The following COX10 variants were observed in gnomAD, a reference collection of about 807,000 sequenced individuals.
COX10 encodes protoheme IX farnesyltransferase, mitochondrial.
In COX10, 27 loss-of-function variants were observed where a neutral mutation model predicts 37.3. The observed-to-expected ratio is 0.72, with a 90% CI of 0.53 to 1.00. The LOEUF (loss-of-function observed/expected upper bound fraction) is 1.00. COX10 is among the 50% of genes least tolerant of loss of function. COX10 has a pLI of 0.00. For synonymous variants in COX10, 222 were observed against 229.1 expected, an observed-to-expected ratio of 0.97 and a Z score of 0.28; for missense variants, 475 against 563.2, an observed-to-expected ratio of 0.84 and a Z score of 1.59.
intron 3 of COX10, among the ~76,000 whole-genome samples, chr17:14,088,540 A>G (rs954415934): frequency 7.2e-5 from 11 of 152,172 alleles, no homozygotes; most frequent in African/African-American, 2.7e-4. Flanking sequence ...AATTGAACTG[A>G]TTGTAAGTAT....
At chr17:14,145,522 A>G (rs949625859) in intron 4 of COX10, among the ~76,000 whole-genome samples, 1 of 152,160 alleles carries the variant, frequency 6.6e-6, no homozygotes. Context: ...AACCGAAGGT[A>G]GCTCAGAATG....
chr17:14,109,992 C>A (rs995835745), intron 4 of COX10, among the ~76,000 whole-genome samples: 1 of 151,908 alleles, frequency 6.6e-6, no homozygotes, highest in African/African-American at 2.4e-5. Context: ...AGTCTAGATT[C>A]CTGGGATTTC....
intron 5 of COX10, among the ~76,000 whole-genome samples, chr17:14,170,865 TATA>T (rs1376511899): frequency 6.6e-6 from 1 of 152,146 alleles, no homozygotes; most frequent in Non-Finnish European, 1.5e-5. Flanking sequence ...TTATTATGGA[TATA>T]ATAATAAGAT....
At chr17:14,096,411 G>A (rs11654446) in intron 3 of COX10, among the ~76,000 whole-genome samples, 14,981 of 107,870 alleles carry the variant, frequency 0.14, 1,045 homozygotes, top group Middle Eastern at 0.29. Context: ...GCCTTGCTCT[G>A]TTGCCCAGGC....
chr17:14,162,216 A>G (rs1282510285), intron 5 of COX10, among the ~76,000 whole-genome samples: 1 of 152,230 alleles, frequency 6.6e-6, no homozygotes, highest in Non-Finnish European at 1.5e-5. Context: ...TACTTATAAA[A>G]TTTGTAGACC....
Position 14,076,806 on chromosome 17 carries a change from C to T in COX10, c.249C>T (p.Phe83=). ...RPKPEPVASP[F]LEKTSSGQAK... is the part of the protein sequence containing the mutation. Reference sequence around the variant, plus strand: ...AGCCAGAACCAGTAGCATCTCCTTTCCTTGAAAAAACATCTTCAGGTCAAG... The same window carrying T: ...AGCCAGAACCAGTAGCATCTCCTTTTCTTGAAAAAACATCTTCAGGTCAAG... The change falls in exon 3 of 7, where the codon TTC becomes TTT. Residue 83 remains phenylalanine (F), a synonymous_variant. Coordinates refer to ENST00000261643, the MANE Select transcript of COX10 (RefSeq NM_001303.4). 6.2e-7 allele frequency: 1 copy of T among 1,614,112 alleles called. No individual in the cohort carries two copies. Among genetic ancestry groups the T allele is most frequent in the Non-Finnish European group, 8.5e-7 (1 of 1,179,994 alleles).
chr17:14,135,480 G>A (rs529552415), intron 4 of COX10, among the ~76,000 whole-genome samples: 3 of 151,810 alleles, frequency 2.0e-5, no homozygotes, highest in Admixed American at 1.3e-4. Flanking sequence ...CTCCACTCCC[G>A]GATATTCTAC....
At chr17:14,129,530 C>A (rs1916417971) in intron 4 of COX10, among the ~76,000 whole-genome samples, 1 of 152,148 alleles carries the variant, frequency 6.6e-6, no homozygotes, top group African/African-American at 2.4e-5. Flanking sequence ...GGATCTGATT[C>A]TTCTGTAGCA....
At chr17:14,180,984 G>A (rs1363365888) in intron 5 of COX10, among the ~76,000 whole-genome samples, 1 of 152,064 alleles carries the variant, frequency 6.6e-6, no homozygotes, top group African/African-American at 2.4e-5. Flanking sequence ...CAGCATAAGG[G>A]GATGGGCAGC....
At chr17:14,170,838 C>T (rs1905444883) in intron 5 of COX10, among the ~76,000 whole-genome samples, 1 of 152,032 alleles carries the variant, frequency 6.6e-6, no homozygotes, top group Admixed American at 6.6e-5. Context: ...AAATTCTAAC[C>T]TGTTCATCTC....
chr17:14,161,566 G>A (rs1905170713), intron 5 of COX10, among the ~76,000 whole-genome samples: 1 of 152,168 alleles, frequency 6.6e-6, no homozygotes. Flanking sequence ...AGGATAGTGT[G>A]TGAATCTGAG....
intron 4 of COX10, among the ~76,000 whole-genome samples, chr17:14,115,461 A>G (rs1420958344): frequency 6.6e-6 from 1 of 152,172 alleles, no homozygotes; most frequent in Non-Finnish European, 1.5e-5. Flanking sequence ...TTTGTGGAAA[A>G]TAATATGGAG....
intron 5 of COX10, among the ~76,000 whole-genome samples, chr17:14,180,797 C>T (rs1001374014): frequency 2.6e-5 from 4 of 152,100 alleles, no homozygotes; most frequent in South Asian, 2.1e-4. Flanking sequence ...TCCCATAAGA[C>T]GATGTGAAAA....
intron 3 of COX10, among the ~76,000 whole-genome samples, chr17:14,093,966 G>C (rs914974099): frequency 1.3e-5 from 2 of 152,164 alleles, no homozygotes; most frequent in Admixed American, 6.5e-5. Flanking sequence ...GTCAGAGGTG[G>C]AGGAATCACT....
Position 14,207,407 on chromosome 17 carries a change from C to T in COX10, c.*194C>T, listed in dbSNP as rs1301760730. 2.8e-6 allele frequency: 2 copies of T among 705,782 alleles called. No homozygotes were observed. The allele number at this position is 705,782 out of a possible 1,614,324, so 43.7% of individuals were successfully genotyped here. ...GCTCCCCAAATAAGAAATGCATCAG[C>T]TCAGTCAGTGAATACAAAAAAGGAA... On this transcript the variant is annotated 3_prime_UTR_variant, in exon 7 of 7. Coordinates refer to ENST00000261643, the MANE Select transcript of COX10 (RefSeq NM_001303.4).
intron 3 of COX10, among the ~76,000 whole-genome samples, chr17:14,077,696 A>T (rs1442277047): frequency 6.6e-6 from 1 of 152,236 alleles, no homozygotes; most frequent in Non-Finnish European, 1.5e-5. Context: ...GACTTAGCTT[A>T]TTCTGGGCTA....
At chr17:14,113,532 T>G (rs1293200942) in intron 4 of COX10, among the ~76,000 whole-genome samples, 2 of 152,190 alleles carry the variant, frequency 1.3e-5, no homozygotes, top group African/African-American at 4.8e-5. Context: ...ATTTTCATGT[T>G]GAGAAAGTGA....
chr17:14,135,418 T>C (rs898069867), intron 4 of COX10, among the ~76,000 whole-genome samples: 1 of 151,870 alleles, frequency 6.6e-6, no homozygotes, highest in South Asian at 2.1e-4. Flanking sequence ...TCTCAAATTT[T>C]ACCGTGTATA....
In COX10 at chr17:14,161,765, G is replaced by A. The variant is rs903833286; in HGVS notation, c.695+1818G>A. On this transcript the variant is annotated intron_variant, in intron 5 of 6. Transcript: ENST00000261643. ...TTGGACTCCAGGACATACACCAGGA[G>A]CCCCCTGGGTCCTGAGGCTTTCAGC... Among the ~76,000 whole-genome samples, 5 of 152,218 alleles carry A rather than the reference G, an allele frequency of 3.3e-5. No individual in the cohort carries two copies. The East Asian group carries it at 9.6e-4, about 29-fold the overall frequency.
Sources: allele counts gnomAD v4.1 joint callset (sites outside exome capture counted in the v4.1 genomes callset), GRCh38; gene constraint gnomAD v4.1.1; transcripts MANE v1.5; gene names NCBI Gene and HGNC (gene_info 2026-07-23, HGNC 2026-07-21).